PRDM5: variants seen among roughly 807,000 people sequenced by gnomAD.
PRDM5 encodes the protein PR domain zinc finger protein 5.
A neutral mutation model predicts 81.2 loss-of-function variants in PRDM5; 56 were observed. The observed-to-expected ratio is 0.69, with a 90% CI of 0.56 to 0.86. The LOEUF (loss-of-function observed/expected upper bound fraction) is 0.86. PRDM5 is among the 40% of genes least tolerant of loss of function. PRDM5 has a pLI of 0.00. For synonymous variants in PRDM5, 267 were observed against 256.4 expected, an observed-to-expected ratio of 1.04 and a Z score of -0.39; for missense variants, 697 against 770.1, an observed-to-expected ratio of 0.91 and a Z score of 1.12.
intron 2 of PRDM5, among the ~76,000 whole-genome samples, chr4:120,877,031 A>G (rs343198): frequency 0.25 from 38,155 of 152,064 alleles, 5,471 homozygotes; most frequent in African/African-American, 0.38. Flanking sequence ...GAAACAGCAC[A>G]TATTATATTT....
chr4:120,864,051 A>T (rs1760935512), intron 2 of PRDM5, among the ~76,000 whole-genome samples: 1 of 152,182 alleles, frequency 6.6e-6, no homozygotes, highest in Non-Finnish European at 1.5e-5. Context: ...CACCCCTGTA[A>T]GGCGTTAGCT....
chr4:120,740,305 T>G (rs1205498359), intron 14 of PRDM5, among the ~76,000 whole-genome samples: 2 of 152,208 alleles, frequency 1.3e-5, no homozygotes, highest in Non-Finnish European at 2.9e-5. Flanking sequence ...AATGTTAAAT[T>G]TTCTCCATAT....
At position 120,793,390 on chromosome 4, in the gene PRDM5, T is replaced by C. The variant is rs140366489; in HGVS notation, c.1188+4877A>G. Among the ~76,000 whole-genome samples, 353 of 152,266 alleles carry C rather than the reference T, an allele frequency of 2.3e-3. 1 individual carries two copies. Among genetic ancestry groups the C allele is most frequent in the African/African-American group, 8.2e-3 (339 of 41,560 alleles). ...TGATTCTACATTATGGTGAGTTGTA[T>C]AATTATTTCATTATATTTTACAATG... On this transcript the variant is annotated intron_variant, in intron 10 of 15. Coordinates refer to ENST00000264808, the MANE Select transcript of PRDM5 (RefSeq NM_018699.4).
chr4:120,702,273 T>G (rs191440146), intron 15 of PRDM5, among the ~76,000 whole-genome samples: 3 of 152,324 alleles, frequency 2.0e-5, no homozygotes, highest in Admixed American at 6.5e-5. Flanking sequence ...TTGCTACTTG[T>G]AAGGTAATCA....
intron 2 of PRDM5, among the ~76,000 whole-genome samples, chr4:120,878,156 C>A (rs1213798508): frequency 6.6e-6 from 1 of 152,120 alleles, no homozygotes; most frequent in African/African-American, 2.4e-5. Context: ...TTTCTGTAGA[C>A]TTTCATTTCT....
intron 1 of PRDM5, among the ~76,000 whole-genome samples, chr4:120,909,950 C>T (rs1410926778): frequency 6.6e-6 from 1 of 152,110 alleles, no homozygotes; most frequent in East Asian, 1.9e-4. Flanking sequence ...CAGAAACACA[C>T]ACCTATAAAA....
At chr4:120,903,054 A>G (rs1765391503) in intron 2 of PRDM5, among the ~76,000 whole-genome samples, 1 of 152,248 alleles carries the variant, frequency 6.6e-6, no homozygotes, top group Admixed American at 6.5e-5. Context: ...ATACAGGTAT[A>G]AACTGAGAAG....
At chr4:120,874,034 T>A (rs960644869) in intron 2 of PRDM5, among the ~76,000 whole-genome samples, 1 of 152,194 alleles carries the variant, frequency 6.6e-6, no homozygotes, top group African/African-American at 2.4e-5. Context: ...ACACATATAT[T>A]AATGTGTAAT....
intron 13 of PRDM5, among the ~76,000 whole-genome samples, chr4:120,757,645 A>G (rs576789020): frequency 5.3e-5 from 8 of 152,238 alleles, no homozygotes; most frequent in East Asian, 1.9e-4. Flanking sequence ...TCCATTGAGG[A>G]CCCGGATAGA....
intron 2 of PRDM5, chr4:120,896,847 C>T (rs995262046): frequency 3.9e-5 from 6 of 152,088 alleles, no homozygotes; most frequent in African/African-American, 1.4e-4. Flanking sequence ...CCACGCCCGG[C>T]TAATTTTTTG....
Position 120,747,438 on chromosome 4 carries a change from A to G in PRDM5, c.1623+7115T>C, listed in dbSNP as rs1227222561. Among the ~76,000 whole-genome samples, 4 of 152,154 alleles carry G rather than the reference A, an allele frequency of 2.6e-5. No individual in the cohort carries two copies. In the East Asian group the frequency reaches 7.7e-4, roughly 29 times the overall value. On this transcript the variant is annotated intron_variant, in intron 14 of 15. Transcript: ENST00000264808. ...ACCCTAAAACTTTAAGTATAATAAT[A>G]AAAAAATAAAAAATTAAAAAATAAA...
intron 13 of PRDM5, among the ~76,000 whole-genome samples, chr4:120,771,230 C>T (rs1473924148): frequency 6.6e-6 from 1 of 152,126 alleles, no homozygotes; most frequent in Non-Finnish European, 1.5e-5. Flanking sequence ...CGCAACCTCT[C>T]TTCAGACTTA....
chr4:120,882,114 G>C (rs538684454), intron 2 of PRDM5, among the ~76,000 whole-genome samples: 1 of 152,244 alleles, frequency 6.6e-6, no homozygotes, highest in South Asian at 2.1e-4. Flanking sequence ...CAGGCCCTGT[G>C]ACAAGCTGCT....
intron 3 of PRDM5, chr4:120,837,871 G>C (rs1425413128): frequency 2.6e-5 from 4 of 152,152 alleles, no homozygotes; most frequent in Admixed American, 6.5e-5. Context: ...AGTGTATACA[G>C]CCATATCTCA....
chr4:120,909,252 G>A (rs919432305), intron 1 of PRDM5, among the ~76,000 whole-genome samples: 1 of 152,196 alleles, frequency 6.6e-6, no homozygotes, highest in African/African-American at 2.4e-5. Flanking sequence ...AACCCTGACA[G>A]ACAGCTGCAT....
chr4:120,896,628 T>C (rs1283756532), intron 2 of PRDM5: 1 of 151,828 alleles, frequency 6.6e-6, no homozygotes, highest in African/African-American at 2.4e-5. Context: ...TCTATTTCAA[T>C]TTGTGCAACA....
At position 120,856,011 on chromosome 4, in the gene PRDM5, T is replaced by C. The variant is rs553090083; in HGVS notation, c.178-2471A>G. ...ACGAAACAGAAGAAATATTTCTCTG[T>C]GACTTATTATAGTAAGAATATTTGA... On this transcript the variant is annotated intron_variant, in intron 2 of 15. Transcript: ENST00000264808. Among the ~76,000 whole-genome samples, 198 of 152,362 alleles carry C rather than the reference T, an allele frequency of 1.3e-3. 1 individual carries two copies. The highest frequency in any genetic ancestry group is 2.4e-3 in the Non-Finnish European group (164 of 68,034).
At chr4:120,837,960 A>G (rs1223426991) in intron 3 of PRDM5, 1 of 152,266 alleles carries the variant, frequency 6.6e-6, no homozygotes, top group Non-Finnish European at 1.5e-5. Context: ...GAATTAAATA[A>G]TATAACCATT....
In PRDM5 at chr4:120,906,281, T is replaced by C. The variant is rs116164328; in HGVS notation, c.177+1193A>G. On this transcript the variant is annotated intron_variant, in intron 2 of 15. Coordinates refer to ENST00000264808, the MANE Select transcript of PRDM5 (RefSeq NM_018699.4). ...ACTGTGCCTGGCTTGTATAGATACA[T>C]TGGATCCACAAATGCTTGCCACTGT... 4.5e-3 allele frequency among the ~76,000 whole-genome samples: 678 copies of C among 152,262 alleles called. 6 individuals are homozygous for C. Among genetic ancestry groups the C allele is most frequent in the African/African-American group, 0.016 (651 of 41,540 alleles).
Sources: allele counts gnomAD v4.1 joint callset (sites outside exome capture counted in the v4.1 genomes callset), GRCh38; gene constraint gnomAD v4.1.1; transcripts MANE v1.5; gene names NCBI Gene and HGNC (gene_info 2026-07-23, HGNC 2026-07-21).